Variants in GABRA3 observed in about 807,000 individuals in gnomAD.
GABRA3 encodes gamma-aminobutyric acid receptor subunit alpha-3.
In GABRA3, 10 loss-of-function variants were observed where a neutral mutation model predicts 30.1. The ratio of observed to expected loss-of-function variants is 0.33; its 90% CI spans 0.20 to 0.56. The LOEUF (loss-of-function observed/expected upper bound fraction) is 0.56, where lower values mean the gene tolerates loss of function less well. Ranked by LOEUF, GABRA3 falls within the 20% of genes least tolerant of loss-of-function variation. GABRA3 has a pLI of 0.89. For missense variants in GABRA3, 233 were observed against 392.0 expected (o/e 0.59, Z 3.42); for synonymous variants, 151 against 146.8 (o/e 1.03, Z -0.21).
chrX:152,400,479 C>A (rs997732751), intron 1 of GABRA3, among the ~76,000 whole-genome samples: 1 of 110,300 alleles, frequency 9.1e-6, no homozygotes, highest in Non-Finnish European at 1.9e-5. Context: ...ACTGCACTCC[C>A]GCCTGGGCAA....
chrX:152,365,566 A>G (rs1396491335), intron 1 of GABRA3, among the ~76,000 whole-genome samples: 2 of 111,830 alleles, frequency 1.8e-5, no homozygotes, highest in Non-Finnish European at 3.8e-5. Flanking sequence ...GACACTGAGA[A>G]CTTGAAGGAG....
chrX:152,313,443 T>C lies in GABRA3; in HGVS notation c.263-28708A>G, dbSNP rs184074678. 4.5e-5 allele frequency among the ~76,000 whole-genome samples: 5 copies of C among 111,798 alleles called. No individual in the cohort carries two copies. The East Asian group carries it at 1.1e-3, about 25-fold the overall frequency. Reference sequence around the variant, plus strand: ...AGTTGCACCATTTGCCTCTCAAATCTGTTATCCCTGGACTCCACATTCTGC... The same window carrying C: ...AGTTGCACCATTTGCCTCTCAAATCCGTTATCCCTGGACTCCACATTCTGC... On this transcript the variant is annotated intron_variant, in intron 3 of 9. Coordinates refer to ENST00000370314, the MANE Select transcript of GABRA3 (RefSeq NM_000808.4).
chrX:152,331,014 G>A (rs1238147545), intron 3 of GABRA3, among the ~76,000 whole-genome samples: 1 of 110,218 alleles, frequency 9.1e-6, no homozygotes, highest in African/African-American at 3.3e-5. Context: ...TTTCTCACAG[G>A]ATGTTAACAT....
chrX:152,268,980 G>C (rs778599762), intron 4 of GABRA3, among the ~76,000 whole-genome samples: 2 of 112,026 alleles, frequency 1.8e-5, no homozygotes, highest in Middle Eastern at 4.6e-3. Flanking sequence ...CTGATTTCTA[G>C]TTTTATTCCA....
intron 5 of GABRA3, among the ~76,000 whole-genome samples, chrX:152,241,324 AGGG>A (rs1938363299): frequency 2.2e-5 from 2 of 89,202 alleles, no homozygotes; most frequent in Non-Finnish European, 5.3e-5. Context: ...GTCAGGGGTC[AGGG>A]GTCAGGGACC....
chrX:152,385,724 G>A (rs1324075527), intron 1 of GABRA3, among the ~76,000 whole-genome samples: 2 of 111,200 alleles, frequency 1.8e-5, no homozygotes, highest in African/African-American at 6.5e-5. Flanking sequence ...TTATGGTTTT[G>A]GGTCTAACGT....
At chrX:152,385,914 G>A (rs1287637684) in intron 1 of GABRA3, among the ~76,000 whole-genome samples, 3 of 110,514 alleles carry the variant, frequency 2.7e-5, no homozygotes, top group South Asian at 3.9e-4. Context: ...GATATGCGGC[G>A]TTCTTTCTGA....
At chrX:152,282,639 TAGAC>T (rs1352809721) in intron 4 of GABRA3, among the ~76,000 whole-genome samples, 2 of 111,533 alleles carry the variant, frequency 1.8e-5, no homozygotes, top group African/African-American at 6.5e-5. Context: ...TCAAGAGACA[TAGAC>T]AGAAAGTCCC....
chrX:152,326,654 TGA>T (rs1821607550), intron 3 of GABRA3, among the ~76,000 whole-genome samples: 1 of 111,386 alleles, frequency 9.0e-6, no homozygotes, highest in Admixed American at 9.6e-5. Flanking sequence ...AAGCAAATGC[TGA>T]GAGATTTTGT....
At chrX:152,411,608 C>A (rs1352376360) in intron 1 of GABRA3, among the ~76,000 whole-genome samples, 3 of 111,669 alleles carry the variant, frequency 2.7e-5, no homozygotes, top group Non-Finnish European at 5.6e-5. Context: ...TAAGAGCTAA[C>A]ACTATAAAAT....
At chrX:152,383,534 C>T (rs769365262) in intron 1 of GABRA3, among the ~76,000 whole-genome samples, 1 of 109,361 alleles carries the variant, frequency 9.1e-6, no homozygotes, top group African/African-American at 3.3e-5. Context: ...TTACCATGAT[C>T]AACTGGCATT....
intron 2 of GABRA3, among the ~76,000 whole-genome samples, chrX:152,349,048 C>T (rs759614592): frequency 8.9e-6 from 1 of 112,126 alleles, no homozygotes; most frequent in African/African-American, 3.2e-5. Flanking sequence ...GCATTTTACC[C>T]ACAGTAGAAC....
intron 1 of GABRA3, among the ~76,000 whole-genome samples, chrX:152,416,639 A>G (rs1378904084): frequency 3.6e-5 from 4 of 111,406 alleles, no homozygotes; most frequent in African/African-American, 1.3e-4. Flanking sequence ...AAGGCTACAC[A>G]GTAACCAAAA....
intron 1 of GABRA3, among the ~76,000 whole-genome samples, chrX:152,399,531 G>A (rs1352010068): frequency 8.9e-6 from 1 of 111,739 alleles, no homozygotes; most frequent in Non-Finnish European, 1.9e-5. Flanking sequence ...CTGAAGCAAA[G>A]AGAAATAAGA....
chrX:152,274,179 G>A (rs966114159), intron 4 of GABRA3, among the ~76,000 whole-genome samples: 5 of 111,409 alleles, frequency 4.5e-5, no homozygotes, highest in African/African-American at 1.3e-4. Flanking sequence ...TCAATAACAG[G>A]TACTCAAAAT....
At chrX:152,277,941 G>A (rs1215310272) in intron 4 of GABRA3, among the ~76,000 whole-genome samples, 1 of 111,344 alleles carries the variant, frequency 9.0e-6, no homozygotes, top group Non-Finnish European at 1.9e-5. Context: ...ATGGGGCCAA[G>A]GCACGTGATA....
chrX:152,289,638 G>T (rs911607296), intron 3 of GABRA3, among the ~76,000 whole-genome samples: 3 of 110,692 alleles, frequency 2.7e-5, no homozygotes, highest in Non-Finnish European at 5.7e-5. Context: ...CTTACATTAG[G>T]TATTTCTCCT....
intron 3 of GABRA3, among the ~76,000 whole-genome samples, chrX:152,299,027 C>T (rs1390685540): frequency 8.9e-6 from 1 of 111,826 alleles, no homozygotes; most frequent in African/African-American, 3.2e-5. Flanking sequence ...GCTACACTGT[C>T]GTTCCTAAGA....
chrX:152,257,373 G>A (rs1367426952), intron 4 of GABRA3, among the ~76,000 whole-genome samples: 1 of 111,938 alleles, frequency 8.9e-6, no homozygotes, highest in African/African-American at 3.2e-5. Context: ...CAAGGCACAG[G>A]GGACACTTCC....
Sources: allele counts gnomAD v4.1 joint callset (sites outside exome capture counted in the v4.1 genomes callset), GRCh38; gene constraint gnomAD v4.1.1; transcripts MANE v1.5; gene names NCBI Gene and HGNC (gene_info 2026-07-23, HGNC 2026-07-21).